The following CEMIP variants were observed in gnomAD, a reference collection of about 807,000 sequenced individuals.
CEMIP encodes the protein cell migration-inducing and hyaluronan-binding protein.
CEMIP carries 105 observed loss-of-function variants against 156.9 expected under a neutral mutation model. That is an observed-to-expected ratio of 0.67 (90% CI 0.57 to 0.79). CEMIP has a LOEUF of 0.79. CEMIP is among the 30% of genes least tolerant of loss of function. The pLI, the probability that CEMIP is intolerant of heterozygous loss-of-function variation, is 0.00. For synonymous variants in CEMIP, 676 were observed against 668.4 expected (o/e 1.01, Z -0.17); for missense variants, 1,457 against 1,769.4 (o/e 0.82, Z 3.17).
intron 2 of CEMIP, 58 bp from the exon 3 acceptor site, chr15:80,873,806 G>A: frequency 1.6e-6 from 2 of 1,266,506 alleles, no homozygotes; most frequent in Non-Finnish European, 2.2e-6. Flanking sequence ...TGTCGGCCCT[G>A]TATACTGATT....
chr15:80,818,043 T>A (rs552446692), intron 1 of CEMIP, among the ~76,000 whole-genome samples: 1 of 152,182 alleles, frequency 6.6e-6, no homozygotes, highest in Non-Finnish European at 1.5e-5. Context: ...GAGGATCCGA[T>A]GGAATGACTA....
intron 1 of CEMIP, among the ~76,000 whole-genome samples, chr15:80,787,868 A>C (rs975006939): frequency 6.6e-6 from 1 of 152,194 alleles, no homozygotes; most frequent in Non-Finnish European, 1.5e-5. Flanking sequence ...GGAGACAAAA[A>C]CACTGATGCT....
chr15:80,874,316 T>C (rs112536235), intron 3 of CEMIP, among the ~76,000 whole-genome samples: 3,355 of 152,376 alleles, frequency 0.022, 139 homozygotes, highest in African/African-American at 0.077. Flanking sequence ...CTGTTCTCAC[T>C]TCTAGCCAAT....
intron 5 of CEMIP, among the ~76,000 whole-genome samples, chr15:80,880,064 G>A (rs1234571302): frequency 6.6e-6 from 1 of 152,212 alleles, no homozygotes; most frequent in East Asian, 1.9e-4. Flanking sequence ...CCTGGATGCT[G>A]TACTTGTTTT....
intron 14 of CEMIP, chr15:80,909,671 G>A: frequency 2.2e-6 from 1 of 462,050 alleles, no homozygotes; most frequent in Non-Finnish European, 4.3e-6. Context: ...CCCGGCTGTG[G>A]TATCTACCCA....
At chr15:80,914,783 A>C (rs1900201718) in intron 14 of CEMIP, among the ~76,000 whole-genome samples, 1 of 152,216 alleles carries the variant, frequency 6.6e-6, no homozygotes, top group Admixed American at 6.5e-5. Context: ...CTGATTTATC[A>C]AGACAGGGGA....
intron 23 of CEMIP, 42 bp downstream of exon 23, chr15:80,933,502 T>TG: frequency 6.7e-7 from 1 of 1,492,374 alleles, no homozygotes; most frequent in Non-Finnish European, 9.3e-7. Context: ...ACTTATTCAC[T>TG]CATGCAACAA....
intron 1 of CEMIP, among the ~76,000 whole-genome samples, chr15:80,871,399 G>A (rs940335801): frequency 1.3e-5 from 2 of 152,168 alleles, no homozygotes; most frequent in Non-Finnish European, 2.9e-5. Context: ...AATTATTTTT[G>A]TATTTATCCA....
intron 9 of CEMIP, 63 bp from the exon 10 acceptor site, chr15:80,889,408 C>T (rs942341030): frequency 8.1e-6 from 13 of 1,611,448 alleles, no homozygotes; most frequent in Admixed American, 1.7e-5. Flanking sequence ...GGAGACAACA[C>T]TGAGTGTGAC....
At chr15:80,847,955 C>T (rs1430223528) in intron 1 of CEMIP, among the ~76,000 whole-genome samples, 1 of 152,216 alleles carries the variant, frequency 6.6e-6, no homozygotes, top group East Asian at 1.9e-4. Flanking sequence ...TCACGATGCA[C>T]AGCTCTCCAG....
chr15:80,946,938 T>C (rs1343223132), intron 28 of CEMIP, 27 bp from the exon 29 acceptor site: 1 of 1,509,666 alleles, frequency 6.6e-7, no homozygotes, highest in East Asian at 2.3e-5. Flanking sequence ...TCTCTCCCTC[T>C]GGTCTAATTG....
intron 1 of CEMIP, among the ~76,000 whole-genome samples, chr15:80,868,446 C>T (rs906963433): frequency 6.6e-6 from 1 of 152,122 alleles, no homozygotes; most frequent in Non-Finnish European, 1.5e-5. Flanking sequence ...GTTCTGTAAC[C>T]CTTGGCAGCA....
intron 1 of CEMIP, among the ~76,000 whole-genome samples, chr15:80,799,328 G>C (rs1896315905): frequency 6.6e-6 from 1 of 152,232 alleles, no homozygotes; most frequent in South Asian, 2.1e-4. Context: ...CTGGTTAGGA[G>C]AGGAAATAGA....
chr15:80,919,400 C>T (rs1020174744), intron 14 of CEMIP, among the ~76,000 whole-genome samples: 1 of 152,174 alleles, frequency 6.6e-6, no homozygotes, highest in African/African-American at 2.4e-5. Flanking sequence ...GGTGGGTGCA[C>T]GTGGCCCAGC....
chr15:80,806,413 T>A (rs1896514941), intron 1 of CEMIP, among the ~76,000 whole-genome samples: 1 of 152,254 alleles, frequency 6.6e-6, no homozygotes, highest in African/African-American at 2.4e-5. Context: ...AAAAATATTC[T>A]GGAGAGAAGC....
At chr15:80,871,885 C>G (rs79279027) in intron 1 of CEMIP, among the ~76,000 whole-genome samples, 2 of 152,138 alleles carry the variant, frequency 1.3e-5, no homozygotes, top group Non-Finnish European at 2.9e-5. Flanking sequence ...TGCCGTGATG[C>G]GTGACTTCAG....
rs774477112 is a variant in CEMIP, at chr15:80,929,148, T to C, written c.2586T>C (p.His862=). 3 of 1,614,112 alleles carry C rather than the reference T, an allele frequency of 1.9e-6. No homozygotes were observed. Among genetic ancestry groups the C allele is most frequent in the Non-Finnish European group, 2.5e-6 (3 of 1,180,016 alleles). The change falls in exon 21 of 30, where the codon CAT becomes CAC. Residue 862 remains histidine, a synonymous_variant. Transcript: ENST00000394685. ...TCTGGGGCCCTGGCGGCTTGGACCATAGCGGAAGGACCCTCCCTATAGGCC... is the reference window on the plus strand; with the variant it reads ...TCTGGGGCCCTGGCGGCTTGGACCACAGCGGAAGGACCCTCCCTATAGGCC... The part of the protein sequence containing the change: ...NRIWGPGGLD[H]SGRTLPIGQN...
At chr15:80,839,083 G>A (rs767028953) in intron 1 of CEMIP, among the ~76,000 whole-genome samples, 1 of 152,212 alleles carries the variant, frequency 6.6e-6, no homozygotes, top group African/African-American at 2.4e-5. Context: ...CGGGACTCAG[G>A]CTGGGGTTGA....
intron 14 of CEMIP, among the ~76,000 whole-genome samples, chr15:80,913,692 CT>C (rs1020612419): frequency 4.6e-5 from 7 of 152,184 alleles, no homozygotes; most frequent in African/African-American, 1.7e-4. Context: ...CACTGTGTGC[CT>C]CTGTATCTAA....
Sources: allele counts gnomAD v4.1 joint callset (sites outside exome capture counted in the v4.1 genomes callset), GRCh38; gene constraint gnomAD v4.1.1; transcripts MANE v1.5; gene names NCBI Gene and HGNC (gene_info 2026-07-23, HGNC 2026-07-21).